The following TRAK1 variants were observed in gnomAD, a reference collection of about 807,000 sequenced individuals.
TRAK1 encodes the protein trafficking kinesin-binding protein 1.
In TRAK1, 33 loss-of-function variants were observed where a neutral mutation model predicts 92.1. That is an observed-to-expected ratio of 0.36 (90% confidence interval 0.27 to 0.48). TRAK1 has a LOEUF of 0.48. Among genes scored for constraint, TRAK1 ranks in the 20% least tolerant of loss-of-function variants. The probability of loss-of-function intolerance (pLI) is 0.99; values close to 1 mark genes in which losing one functional copy is unlikely to be tolerated. For missense variants in TRAK1, 1,123 were observed against 1,257.9 expected, an observed-to-expected ratio of 0.89 and a Z score of 1.62; for synonymous variants, 521 against 517.3, an observed-to-expected ratio of 1.01 and a Z score of -0.10.
intron 1 of TRAK1, among the ~76,000 whole-genome samples, chr3:42,025,915 A>G (rs1016453729): frequency 3.3e-5 from 5 of 152,248 alleles, no homozygotes; most frequent in African/African-American, 1.2e-4. Flanking sequence ...ACTCTTTAAC[A>G]AATAGCTTTT....
At chr3:42,130,003 A>G (rs1475102905) in intron 2 of TRAK1, among the ~76,000 whole-genome samples, 1 of 152,208 alleles carries the variant, frequency 6.6e-6, no homozygotes, top group Non-Finnish European at 1.5e-5. Flanking sequence ...TGTCTAACAT[A>G]TTCAAAATTC....
intron 1 of TRAK1, among the ~76,000 whole-genome samples, chr3:42,024,731 T>C (rs926790813): frequency 5.9e-5 from 9 of 152,242 alleles, no homozygotes; most frequent in Non-Finnish European, 1.0e-4. Flanking sequence ...CAGTACTTCA[T>C]GCTTGCATAC....
chr3:42,015,669 C>A (rs1170175713), intron 1 of TRAK1, among the ~76,000 whole-genome samples: 1 of 152,108 alleles, frequency 6.6e-6, no homozygotes, highest in African/African-American at 2.4e-5. Flanking sequence ...TTTTGAGCCC[C>A]AACAGGGATA....
intron 14 of TRAK1, among the ~76,000 whole-genome samples, chr3:42,213,672 C>T (rs1709344394): frequency 6.6e-6 from 1 of 152,188 alleles, no homozygotes; most frequent in Non-Finnish European, 1.5e-5. Flanking sequence ...CTTCAGTACA[C>T]CACAGACCAC....
In TRAK1 at chr3:42,015,191, C is replaced by T. The variant is rs538998365; in HGVS notation, c.-519+1074C>T. 9.9e-5 allele frequency among the ~76,000 whole-genome samples: 15 copies of T among 152,272 alleles called. No homozygotes were observed. In the South Asian group the frequency reaches 2.7e-3, roughly 27 times the overall value. On this transcript the variant is annotated intron_variant, in intron 1 of 16. Coordinates refer to the TRAK1 transcript ENST00000487159. ...TCTCTCGGTTTGGAATGGTCATACT[C>T]GGTTGCTCTTTGATCTTGGACCTCA...
At chr3:42,044,949 G>C (rs1194261926) in intron 1 of TRAK1, among the ~76,000 whole-genome samples, 1 of 152,028 alleles carries the variant, frequency 6.6e-6, no homozygotes, top group Non-Finnish European at 1.5e-5. Flanking sequence ...GCCAGCTGAT[G>C]CTTGTGTGTT....
intron 1 of TRAK1, among the ~76,000 whole-genome samples, chr3:42,092,711 G>GTGTTATGTTATGA (rs1553712930): frequency 2.0e-5 from 2 of 101,068 alleles, no homozygotes; most frequent in African/African-American, 6.5e-5. Context: ...GTGTTGTGTT[G>GTGTTATGTTATGA]TGTTATGTTA....
chr3:42,197,002 T>TCACACACACACACA (rs773977076), intron 10 of TRAK1, among the ~76,000 whole-genome samples: 10 of 103,528 alleles, frequency 9.7e-5, no homozygotes, highest in African/African-American at 3.2e-4. Flanking sequence ...TCTCTCTCTC[T>TCACACACACACACA]CACACACACA....
intron 1 of TRAK1, among the ~76,000 whole-genome samples, chr3:42,035,872 A>G (rs947914238): frequency 6.6e-6 from 1 of 152,120 alleles, no homozygotes; most frequent in African/African-American, 2.4e-5. Flanking sequence ...ACCTCTGCCT[A>G]TATAGAGAAC....
intron 2 of TRAK1, among the ~76,000 whole-genome samples, chr3:42,135,477 C>T (rs1447172100): frequency 6.6e-6 from 1 of 152,184 alleles, no homozygotes; most frequent in East Asian, 1.9e-4. Context: ...CCTGTAATCC[C>T]AACACTTTGG....
intron 1 of TRAK1, among the ~76,000 whole-genome samples, chr3:42,065,903 T>C (rs1226822901): frequency 6.6e-6 from 1 of 152,148 alleles, no homozygotes. Flanking sequence ...GTGCTGGGAT[T>C]ATAGGCTTGA....
intron 1 of TRAK1, among the ~76,000 whole-genome samples, chr3:42,069,437 C>T (rs2148935570): frequency 6.6e-6 from 1 of 151,998 alleles, no homozygotes; most frequent in East Asian, 1.9e-4. Context: ...CAGACAAGTA[C>T]CTAATAAGGA....
chr3:42,026,297 A>AT (rs912130612), intron 1 of TRAK1, among the ~76,000 whole-genome samples: 4 of 152,120 alleles, frequency 2.6e-5, no homozygotes, highest in African/African-American at 9.7e-5. Context: ...ATACTAGAGA[A>AT]TTTTTTTGAC....
At chr3:42,018,015 CTGAGGTGGGAGGATCACTTG>C in intron 1 of TRAK1, among the ~76,000 whole-genome samples, 1 of 143,814 alleles carries the variant, frequency 7.0e-6, no homozygotes, top group African/African-American at 2.6e-5. Flanking sequence ...TCCTAGAATG[CTGAGGTGGGAGGATCACTTG>C]AGCCCAGGAG....
In TRAK1 at chr3:42,112,059, C is replaced by T. The variant is rs868175391; in HGVS notation, c.92-13361C>T. Among the ~76,000 whole-genome samples the T allele has an allele frequency of 2.0e-5, 3 of 146,490 alleles. No homozygotes were observed. In the South Asian group the frequency reaches 6.8e-4, roughly 33 times the overall value. Reference sequence around the variant, plus strand: ...AAAGTAGCCCCTACTCCAGAGTGTACTAAGACTCCAAGGAAAGTTTGGGAA... The same window carrying T: ...AAAGTAGCCCCTACTCCAGAGTGTATTAAGACTCCAAGGAAAGTTTGGGAA... On this transcript the variant is annotated intron_variant, in intron 1 of 15. Coordinates refer to ENST00000327628, the MANE Select transcript of TRAK1 (RefSeq NM_001042646.3).
At chr3:42,107,815 TC>T (rs1707796218) in intron 1 of TRAK1, among the ~76,000 whole-genome samples, 1 of 151,968 alleles carries the variant, frequency 6.6e-6, no homozygotes, top group African/African-American at 2.4e-5. Flanking sequence ...TTTATTTTTC[TC>T]TAAAGTATAA....
At chr3:42,095,594 A>AC (rs1187141186) in intron 1 of TRAK1, among the ~76,000 whole-genome samples, 1 of 152,218 alleles carries the variant, frequency 6.6e-6, no homozygotes, top group Non-Finnish European at 1.5e-5. Context: ...CACAGATGGG[A>AC]CCATATCCTA....
chr3:42,061,552 A>T (rs1408425267), intron 1 of TRAK1, among the ~76,000 whole-genome samples: 1 of 151,992 alleles, frequency 6.6e-6, no homozygotes. Context: ...TCTGAATATC[A>T]TGTGAACCCA....
intron 2 of TRAK1, among the ~76,000 whole-genome samples, chr3:42,154,617 G>T (rs2149272630): frequency 6.6e-6 from 1 of 152,156 alleles, no homozygotes; most frequent in Non-Finnish European, 1.5e-5. Flanking sequence ...TTTTTGTAGA[G>T]ATGGGGTCTC....
Sources: gnomAD v4.1 joint callset for allele counts (sites outside exome capture counted in the v4.1 genomes callset) on GRCh38, gnomAD v4.1.1 for gene constraint, MANE v1.5 for transcripts, NCBI Gene and HGNC (gene_info 2026-07-23, HGNC 2026-07-21) for gene names.